The following HECW2 variants were observed in gnomAD, a reference collection of about 807,000 sequenced individuals.
HECW2 encodes the protein E3 ubiquitin-protein ligase HECW2.
In HECW2, 61 loss-of-function variants were observed where a neutral mutation model predicts 175.2. The observed-to-expected ratio is 0.35, with a 90% CI of 0.28 to 0.43. The LOEUF (loss-of-function observed/expected upper bound fraction) is 0.43, where lower values mean the gene tolerates loss of function less well. Among genes scored for constraint, HECW2 ranks in the 20% least tolerant of loss-of-function variants. The pLI, the probability that HECW2 is intolerant of heterozygous loss-of-function variation, is 1.00. For missense variants in HECW2, 1,524 were observed against 2,000.5 expected (o/e 0.76, Z 4.54); for synonymous variants, 671 against 731.0 (o/e 0.92, Z 1.32).
intron 2 of HECW2, among the ~76,000 whole-genome samples, chr2:196,365,156 A>T (rs751462218): frequency 2.6e-5 from 4 of 152,254 alleles, no homozygotes; most frequent in Non-Finnish European, 4.4e-5. Context: ...AATTAAAGAC[A>T]TCACTTAACT....
At chr2:196,477,267 A>C (rs993678749) in intron 1 of HECW2, among the ~76,000 whole-genome samples, 2 of 152,208 alleles carry the variant, frequency 1.3e-5, no homozygotes, top group African/African-American at 4.8e-5. Flanking sequence ...TGTTGTAATG[A>C]ATATTTTTCC....
intron 26 of HECW2, 84 bp from the exon 27 acceptor site, chr2:196,217,177 A>G: frequency 2.3e-6 from 2 of 883,950 alleles, no homozygotes; most frequent in Admixed American, 4.7e-5. Context: ...GAGTCCCCAG[A>G]CATAAATCAT....
In HECW2 at chr2:196,319,411, C is replaced by T. The variant is rs115187203; in HGVS notation, c.1479G>A (p.Arg493=). The T allele has an allele frequency of 1.2e-4, 191 of 1,613,920 alleles. 1 individual carries two copies. The African/African-American group carries it at 2.4e-3, about 20-fold the overall frequency. The change falls in exon 9 of 29, where the codon AGG becomes AGA. Residue 493 remains arginine, a synonymous_variant. Transcript: ENST00000644978. ...GGCTTCCATCATCAGCTCTGGATGC[C>T]CTGCTAAACATGATCAGGCCTCCCT... ...EEEGGLIMFS[R]ASRADDGSLT...
At chr2:196,464,253 A>G (rs1696859282) in intron 1 of HECW2, among the ~76,000 whole-genome samples, 1 of 152,154 alleles carries the variant, frequency 6.6e-6, no homozygotes, top group Non-Finnish European at 1.5e-5. Context: ...GGGCCTTTAA[A>G]CATACCCCAG....
chr2:196,450,137 T>C (rs1306277546), intron 1 of HECW2, among the ~76,000 whole-genome samples: 2 of 152,196 alleles, frequency 1.3e-5, no homozygotes, highest in African/African-American at 2.4e-5. Context: ...TCCAAAACTT[T>C]GCCCTTTTTG....
Position 196,198,951 on chromosome 2 carries a change from A to G in HECW2, c.*2326T>C, listed in dbSNP as rs1364484612. On this transcript the variant is annotated 3_prime_UTR_variant, in exon 29 of 29. Coordinates refer to ENST00000644978, the MANE Select transcript of HECW2 (RefSeq NM_001348768.2). ...TCTACATACATTAAAGTGTACTGTT[A>G]TTTGGGAAAAAGTTGGATGCCTTAA... The G allele has an allele frequency of 6.6e-6, 1 of 152,208 alleles. No homozygotes were observed. The highest frequency in any genetic ancestry group is 1.9e-4 in the East Asian group (1 of 5,204). 9.4% of individuals were successfully genotyped at this position (152,208 alleles called of 1,614,324 possible).
chr2:196,369,342 G>GTCTCTCTCTCTCTCTCTCTCTCTC (rs71410611), intron 2 of HECW2, among the ~76,000 whole-genome samples: 14 of 131,556 alleles, frequency 1.1e-4, no homozygotes, highest in East Asian at 6.4e-4. Context: ...AACAAATGGA[G>GTCTCTCTCTCTCTCTCTCTCTCTC]TCTCTCTCTC....
intron 2 of HECW2, among the ~76,000 whole-genome samples, chr2:196,373,829 G>C (rs530605575): frequency 2.0e-5 from 3 of 152,104 alleles, no homozygotes; most frequent in Admixed American, 2.0e-4. Context: ...TCAGGAGATC[G>C]AGACCATCCC....
At chr2:196,554,907 C>T (rs975370218) in intron 1 of HECW2, among the ~76,000 whole-genome samples, 2 of 152,084 alleles carry the variant, frequency 1.3e-5, no homozygotes, top group African/African-American at 4.8e-5. Context: ...GAACAAGAGA[C>T]CAAAAAATCC....
rs373720167 is a variant in HECW2, at chr2:196,509,353, G to T, written c.-35-75895C>A. On this transcript the variant is annotated intron_variant, in intron 1 of 28. Transcript: ENST00000644978. ...GAAGCTCACCAAACCCAGTCTTTTT[G>T]AGTTTTTAAAGAAGCTTCATTATGT... is the stretch of plus-strand genomic sequence containing the variant. Among the ~76,000 whole-genome samples the T allele has an allele frequency of 3.9e-5, 6 of 152,178 alleles. No individual in the cohort carries two copies. The East Asian group carries it at 1.2e-3, about 29-fold the overall frequency.
intron 2 of HECW2, among the ~76,000 whole-genome samples, chr2:196,414,098 G>A (rs1695189841): frequency 6.6e-6 from 1 of 152,204 alleles, no homozygotes; most frequent in Non-Finnish European, 1.5e-5. Flanking sequence ...CTTCTTTGCT[G>A]CTTTTGAGTG....
chr2:196,243,541 A>G (rs1280048255), intron 19 of HECW2, among the ~76,000 whole-genome samples: 2 of 152,086 alleles, frequency 1.3e-5, no homozygotes, highest in Non-Finnish European at 2.9e-5. Flanking sequence ...ACGTTATTCA[A>G]TGGTAATTAT....
At chr2:196,592,476 G>C (rs886793125) in intron 1 of HECW2, 1 of 152,168 alleles carries the variant, frequency 6.6e-6, no homozygotes, top group Non-Finnish European at 1.5e-5. Flanking sequence ...CTGCAGTCTC[G>C]CGTCCTCGGA....
intron 2 of HECW2, among the ~76,000 whole-genome samples, chr2:196,387,603 T>A (rs1694386501): frequency 6.6e-6 from 1 of 152,182 alleles, no homozygotes; most frequent in Admixed American, 6.6e-5. Context: ...CTAAGACAGG[T>A]GGATTATTTT....
At chr2:196,392,844 C>T (rs1401752496) in intron 2 of HECW2, among the ~76,000 whole-genome samples, 1 of 152,116 alleles carries the variant, frequency 6.6e-6, no homozygotes, top group Non-Finnish European at 1.5e-5. Context: ...CCCACATTGC[C>T]AAGACAATCC....
intron 26 of HECW2, chr2:196,217,531 G>A (rs1687520759): frequency 6.5e-6 from 1 of 154,282 alleles, no homozygotes; most frequent in Non-Finnish European, 1.4e-5. Context: ...GCTTCTGGCA[G>A]AGGGGAGACA....
intron 14 of HECW2, among the ~76,000 whole-genome samples, chr2:196,282,085 T>G (rs1308529720): frequency 6.6e-6 from 1 of 152,182 alleles, no homozygotes; most frequent in Non-Finnish European, 1.5e-5. Context: ...AGGATCACAG[T>G]GTTTCTTGCT....
intron 1 of HECW2, among the ~76,000 whole-genome samples, chr2:196,517,281 G>C (rs540405687): frequency 2.3e-4 from 35 of 152,232 alleles, no homozygotes; most frequent in South Asian, 1.7e-3. Context: ...TCCTTATGAG[G>C]GTTCTTGGAA....
At chr2:196,519,002 G>A (rs1575627115) in intron 1 of HECW2, among the ~76,000 whole-genome samples, 1 of 152,158 alleles carries the variant, frequency 6.6e-6, no homozygotes, top group East Asian at 1.9e-4. Flanking sequence ...CAGTTCAATA[G>A]ATGTCTACTT....
Sources: gnomAD v4.1 joint callset for allele counts (sites outside exome capture counted in the v4.1 genomes callset) on GRCh38, gnomAD v4.1.1 for gene constraint, MANE v1.5 for transcripts, NCBI Gene and HGNC (gene_info 2026-07-23, HGNC 2026-07-21) for gene names.